The following LUZP2 variants were observed in gnomAD, a reference collection of about 807,000 sequenced individuals.
The protein encoded by LUZP2 is leucine zipper protein 2.
LUZP2 carries 52 observed loss-of-function variants against 51.6 expected under a neutral mutation model. That is an observed-to-expected ratio of 1.01 (90% CI 0.81 to 1.27). The LOEUF (loss-of-function observed/expected upper bound fraction) is 1.27. LUZP2 is among the 50% of genes most tolerant of loss of function. The pLI, the probability that LUZP2 is intolerant of heterozygous loss-of-function variation, is 0.00. For synonymous variants in LUZP2, 154 were observed against 137.3 expected, an observed-to-expected ratio of 1.12 and a Z score of -0.85; for missense variants, 436 against 395.4, an observed-to-expected ratio of 1.10 and a Z score of -0.87.
At chr11:24,917,021 C>T (rs1041215439) in intron 7 of LUZP2, among the ~76,000 whole-genome samples, 3 of 152,136 alleles carry the variant, frequency 2.0e-5, no homozygotes, top group Non-Finnish European at 2.9e-5. Context: ...TTAATGATCA[C>T]CATTCTAACT....
At chr11:24,585,437 T>C (rs1853030939) in intron 1 of LUZP2, among the ~76,000 whole-genome samples, 1 of 152,180 alleles carries the variant, frequency 6.6e-6, no homozygotes, top group African/African-American at 2.4e-5. Flanking sequence ...CTTTTGTGAG[T>C]CATCACTTTT....
At chr11:24,793,374 G>A (rs1849458462) in intron 5 of LUZP2, among the ~76,000 whole-genome samples, 1 of 152,120 alleles carries the variant, frequency 6.6e-6, no homozygotes, top group Non-Finnish European at 1.5e-5. Context: ...CACTCTATGG[G>A]TCTTTCCTTC....
At chr11:24,843,842 AC>A (rs1182754669) in intron 5 of LUZP2, among the ~76,000 whole-genome samples, 1 of 152,160 alleles carries the variant, frequency 6.6e-6, no homozygotes, top group Non-Finnish European at 1.5e-5. Flanking sequence ...GTTTCTCTGT[AC>A]AAGCTGTCTC....
chr11:24,863,188 A>T (rs139959747), intron 5 of LUZP2, among the ~76,000 whole-genome samples: 1 of 152,276 alleles, frequency 6.6e-6, no homozygotes, highest in Non-Finnish European at 1.5e-5. Flanking sequence ...AGGCCCAACA[A>T]CTCTATTCCT....
At chr11:24,669,746 G>A (rs1856341361) in intron 1 of LUZP2, among the ~76,000 whole-genome samples, 1 of 152,036 alleles carries the variant, frequency 6.6e-6, no homozygotes, top group African/African-American at 2.4e-5. Context: ...CTTTTGTACT[G>A]TGATGCAAAA....
chr11:24,755,622 A>G (rs534092774), intron 4 of LUZP2, among the ~76,000 whole-genome samples: 6 of 152,324 alleles, frequency 3.9e-5, no homozygotes, highest in Non-Finnish European at 7.4e-5. Flanking sequence ...ACGGGATTCC[A>G]AAGAAACCTG....
At chr11:24,717,205 G>C (rs976263913) in intron 1 of LUZP2, among the ~76,000 whole-genome samples, 2 of 152,026 alleles carry the variant, frequency 1.3e-5, no homozygotes, top group Non-Finnish European at 2.9e-5. Context: ...AAGGTTAGTA[G>C]TTAAAATTTA....
At chr11:24,591,102 C>T (rs1853243107) in intron 1 of LUZP2, among the ~76,000 whole-genome samples, 1 of 152,060 alleles carries the variant, frequency 6.6e-6, no homozygotes, top group Admixed American at 6.6e-5. Flanking sequence ...GAGCAAGCCC[C>T]AATCCCTTAA....
intron 1 of LUZP2, among the ~76,000 whole-genome samples, chr11:24,546,740 T>G (rs1851555934): frequency 6.6e-6 from 1 of 152,000 alleles, no homozygotes; most frequent in African/African-American, 2.4e-5. Flanking sequence ...TTTCTTTTAT[T>G]GTTGTGTGTT....
intron 9 of LUZP2, among the ~76,000 whole-genome samples, chr11:25,031,416 A>G (rs940838128): frequency 2.6e-5 from 4 of 152,098 alleles, no homozygotes; most frequent in Admixed American, 6.6e-5. Flanking sequence ...TGTGTTTTCC[A>G]ATGGATTTAA....
intron 5 of LUZP2, among the ~76,000 whole-genome samples, chr11:24,867,687 A>G (rs895165298): frequency 2.4e-4 from 36 of 152,126 alleles, no homozygotes; most frequent in African/African-American, 8.0e-4. Flanking sequence ...AACTTGGGAC[A>G]AGTTCACAGT....
intron 5 of LUZP2, among the ~76,000 whole-genome samples, chr11:24,779,024 A>ATG (rs969357807): frequency 2.6e-5 from 4 of 152,154 alleles, no homozygotes; most frequent in African/African-American, 7.2e-5. Context: ...CATTTCAGAA[A>ATG]TGTGTGTGTG....
intron 4 of LUZP2, among the ~76,000 whole-genome samples, chr11:24,755,715 A>G (rs1456803997): frequency 6.6e-6 from 1 of 152,134 alleles, no homozygotes; most frequent in Non-Finnish European, 1.5e-5. Flanking sequence ...ACTAACATTA[A>G]CATTAAAACT....
At chr11:24,688,374 G>A (rs560745850) in intron 1 of LUZP2, among the ~76,000 whole-genome samples, 1 of 152,096 alleles carries the variant, frequency 6.6e-6, no homozygotes, top group African/African-American at 2.4e-5. Context: ...CCCTCAGGAA[G>A]ACTGTTTTGG....
intron 5 of LUZP2, among the ~76,000 whole-genome samples, chr11:24,842,449 A>C (rs992037834): frequency 1.3e-5 from 2 of 151,884 alleles, no homozygotes; most frequent in Non-Finnish European, 2.9e-5. Flanking sequence ...TAGGTCAGTC[A>C]GGGAAAAAAA....
intron 5 of LUZP2, among the ~76,000 whole-genome samples, chr11:24,766,211 G>A (rs908417140): frequency 2.2e-4 from 34 of 151,928 alleles, no homozygotes; most frequent in Non-Finnish European, 4.4e-4. Context: ...GTTTTGGGCC[G>A]TCTGCTTTTC....
At position 24,539,097 on chromosome 11, in the gene LUZP2, A is replaced by C. The variant is rs191557534; in HGVS notation, c.62+41792A>C. ...GTGAGGAGGAAATATTTCACTTTTT[A>C]TGTCATATGTTCTATATATTTATTT... On this transcript the variant is annotated intron_variant, in intron 1 of 11. Coordinates refer to ENST00000336930, the MANE Select transcript of LUZP2 (RefSeq NM_001009909.4). 5.0e-3 allele frequency among the ~76,000 whole-genome samples: 752 copies of C among 151,856 alleles called. 6 individuals are homozygous for C. The highest frequency in any genetic ancestry group is 0.011 in the Admixed American group (168 of 15,226).
chr11:24,896,654 A>G (rs1853070018), intron 5 of LUZP2, among the ~76,000 whole-genome samples: 1 of 152,118 alleles, frequency 6.6e-6, no homozygotes, highest in African/African-American at 2.4e-5. Flanking sequence ...GCCTGGTCCC[A>G]TGGACCGCCC....
At chr11:24,585,976 A>T (rs1005653171) in intron 1 of LUZP2, among the ~76,000 whole-genome samples, 3 of 152,136 alleles carry the variant, frequency 2.0e-5, no homozygotes, top group African/African-American at 7.2e-5. Context: ...TTTTGTATTG[A>T]TCTATACCTT....
Sources: allele counts gnomAD v4.1 joint callset (sites outside exome capture counted in the v4.1 genomes callset), GRCh38; gene constraint gnomAD v4.1.1; transcripts MANE v1.5; gene names NCBI Gene and HGNC (gene_info 2026-07-23, HGNC 2026-07-21).